CEP97: variants seen among roughly 807,000 people sequenced by gnomAD.
The protein encoded by CEP97 is centrosomal protein 97.
Under a neutral mutation model 73.1 loss-of-function variants are expected in CEP97, and 43 were observed. The ratio of observed to expected loss-of-function variants is 0.59; its 90% CI spans 0.46 to 0.76. CEP97 has a LOEUF of 0.76. Among genes scored for constraint, CEP97 ranks in the 30% least tolerant of loss-of-function variants. The probability of loss-of-function intolerance (pLI) is 0.00; values close to 1 mark genes in which losing one functional copy is unlikely to be tolerated. For missense variants in CEP97, 939 were observed against 1,014.0 expected, an observed-to-expected ratio of 0.93 and a Z score of 1.00; for synonymous variants, 337 against 370.0, an observed-to-expected ratio of 0.91 and a Z score of 1.02.
chr3:101,758,398 G>C lies in CEP97; in HGVS notation c.1792G>C (p.Val598Leu), dbSNP rs761580129. The change falls in exon 9 of 11, where the codon GTC becomes CTC. Residue 598 changes from valine to leucine, a missense_variant. Transcript: ENST00000341893. ...GCTACGCAGAATGCAAGAGCACATT[G>C]TCTGCTTAACTGATGAAATAAGGAG... Reference protein sequence around the residue: ...IRLRRMQEHIVCLTDEIRRLR... With the variant: ...IRLRRMQEHILCLTDEIRRLR... The C allele has an allele frequency of 1.9e-6, 3 of 1,614,124 alleles. No individual in the cohort carries two copies. The highest frequency in any genetic ancestry group is 2.5e-6 in the Non-Finnish European group (3 of 1,180,034).
chr3:101,732,733 T>C, intron 6 of CEP97, 79 bp downstream of exon 6: 1 of 1,255,598 alleles, frequency 8.0e-7, no homozygotes, highest in Non-Finnish European at 1.1e-6. Flanking sequence ...AGAGTATTTC[T>C]TAAAATGTGC....
rs577515141 is a variant in CEP97, at chr3:101,725,499, G to A, written c.43+780G>A. Among the ~76,000 whole-genome samples, 21 of 152,294 alleles carry A rather than the reference G, an allele frequency of 1.4e-4. No individual in the cohort carries two copies. The South Asian group carries it at 4.4e-3, about 32-fold the overall frequency. ...GGAGCTGTAAATTCTTGGGGGAAGA[G>A]TTGGTGGATGGTTCTCAGACCTCTC... On this transcript the variant is annotated intron_variant, in intron 1 of 10. Transcript: ENST00000341893.
At position 101,733,968 on chromosome 3, in the gene CEP97, A is replaced by G. The variant is rs1286342133; in HGVS notation, c.728+1314A>G. 2.0e-5 allele frequency among the ~76,000 whole-genome samples: 3 copies of G among 152,148 alleles called. No individual in the cohort carries two copies. In the East Asian group the frequency reaches 5.8e-4, roughly 29 times the overall value. ...CAGCCTCCCAAGTAGCTGGAATTATAGGCATGTGCCACCACACCCAGCTAA... is the reference window on the plus strand; with the variant it reads ...CAGCCTCCCAAGTAGCTGGAATTATGGGCATGTGCCACCACACCCAGCTAA... On this transcript the variant is annotated intron_variant, in intron 6 of 10. Transcript: ENST00000341893.
chr3:101,757,542 T>G, intron 8 of CEP97, 92 bp from the exon 9 acceptor site: 1 of 1,248,750 alleles, frequency 8.0e-7, no homozygotes, highest in Admixed American at 2.6e-5. Flanking sequence ...TTTTTGCATT[T>G]TACTCTATTT....
At chr3:101,747,548 C>T (rs1300058947) in intron 6 of CEP97, among the ~76,000 whole-genome samples, 6 of 149,498 alleles carry the variant, frequency 4.0e-5, no homozygotes, top group African/African-American at 7.4e-5. Context: ...CGTGAGCCAC[C>T]GCGCCTGGCC....
rs1417174177 is a variant in CEP97, at chr3:101,727,459, C to T, written c.263C>T (p.Pro88Leu). The T allele has an allele frequency of 1.9e-6, 3 of 1,613,844 alleles. No homozygotes were observed. The highest frequency in any genetic ancestry group is 3.3e-5 in the Admixed American group (2 of 59,976). ...ACGTTGCTTCGTGTATTAAATTTGC[C>T]TCATAATAGCATTGGCTGTGTGGAA... is the stretch of plus-strand genomic sequence containing the variant. ...KLTLLRVLNL[P>L]HNSIGCVEGL... is the part of the protein sequence containing the mutation. The change falls in exon 3 of 11, where the codon CCT becomes CTT. Residue 88 changes from proline (P) to leucine (L), a missense_variant. Pro to Leu is a moderately conservative substitution (Grantham distance 98). Coordinates refer to ENST00000341893, the MANE Select transcript of CEP97 (RefSeq NM_024548.4).
intron 6 of CEP97, among the ~76,000 whole-genome samples, chr3:101,751,249 C>G (rs1421001208): frequency 6.6e-6 from 1 of 152,160 alleles, no homozygotes; most frequent in Non-Finnish European, 1.5e-5. Flanking sequence ...ATCCTGAGTT[C>G]TAGTTTGATT....
At chr3:101,755,729 C>A (rs1938986371) in intron 7 of CEP97, 135 bp downstream of exon 7, 6 of 792,502 alleles carry the variant, frequency 7.6e-6, no homozygotes, top group Non-Finnish European at 1.2e-5. Context: ...GTCACTGCAA[C>A]AGTTCCTGCA....
At chr3:101,764,736 T>C in intron 10 of CEP97, 111 bp from the exon 11 acceptor site, 2 of 880,314 alleles carry the variant, frequency 2.3e-6, no homozygotes, top group Admixed American at 2.8e-5. Context: ...TGAGCCATGA[T>C]TGTGCTGCTG....
chr3:101,727,158 A>G (rs1221125141), intron 2 of CEP97, among the ~76,000 whole-genome samples: 1 of 152,198 alleles, frequency 6.6e-6, no homozygotes, highest in African/African-American at 2.4e-5. Flanking sequence ...CTTAGTAGTT[A>G]GAGGAGGTCT....
At chr3:101,727,173 G>A (rs1937919012) in intron 2 of CEP97, among the ~76,000 whole-genome samples, 1 of 152,126 alleles carries the variant, frequency 6.6e-6, no homozygotes, top group Non-Finnish European at 1.5e-5. Context: ...AGGTCTGATC[G>A]CTCAGCTTTA....
At chr3:101,729,841 C>A (rs911940109) in intron 4 of CEP97, among the ~76,000 whole-genome samples, 2 of 151,892 alleles carry the variant, frequency 1.3e-5, no homozygotes, top group Non-Finnish European at 2.9e-5. Context: ...TGGCTCACTG[C>A]AACCCAAGCA....
intron 6 of CEP97, among the ~76,000 whole-genome samples, chr3:101,747,480 C>T (rs1481756444): frequency 1.3e-5 from 2 of 151,560 alleles, no homozygotes; most frequent in East Asian, 1.9e-4. Context: ...AGGATGGTCT[C>T]GATCTCCTGA....
Position 101,758,201 on chromosome 3 carries a change from C to T in CEP97, c.1595C>T (p.Ala532Val). 6.2e-7 allele frequency: 1 copy of T among 1,614,070 alleles called. No individual in the cohort carries two copies. Among genetic ancestry groups the T allele is most frequent in the Non-Finnish European group, 8.5e-7 (1 of 1,180,026 alleles). The change falls in exon 9 of 11, where the codon GCA becomes GTA. Residue 532 changes from alanine (A) to valine (V), a missense_variant. By Grantham distance (64) the Ala-to-Val change is moderately conservative. Transcript: ENST00000341893. ...QPENKETISQ[A>V]TSEKLPMILT... ...GAAAATAAAGAAACCATATCTCAAGCAACTTCAGAGAAACTTCCCATGATT... is the reference window on the plus strand; with the variant it reads ...GAAAATAAAGAAACCATATCTCAAGTAACTTCAGAGAAACTTCCCATGATT...
In CEP97 at chr3:101,762,505, A is replaced by C. The variant is rs1450961640; in HGVS notation, c.1838A>C (p.Glu613Ala). ...TGTAGATTACGAAAAGAAAGAGATG[A>C]AGAACGTATTAAAAAATTTGTACAA... Reference protein sequence around the residue: ...EIRRLRKERDEERIKKFVQEE... With the variant: ...EIRRLRKERDAERIKKFVQEE... The change falls in exon 10 of 11, where the codon GAA becomes GCA. Residue 613 changes from glutamate to alanine, a missense_variant. Coordinates refer to ENST00000341893, the MANE Select transcript of CEP97 (RefSeq NM_024548.4). 1 of 1,609,960 alleles carries C rather than the reference A, an allele frequency of 6.2e-7. No individual in the cohort carries two copies. The highest frequency in any genetic ancestry group is 1.1e-5 in the South Asian group (1 of 90,470).
At position 101,758,424 on chromosome 3, in the gene CEP97, G is replaced by T; in HGVS notation, c.1817+1G>T. On this transcript the variant is annotated splice_donor_variant, in intron 9 of 10. Coordinates refer to ENST00000341893, the MANE Select transcript of CEP97 (RefSeq NM_024548.4). LOFTEE classifies it high-confidence loss of function. ...TCTGCTTAACTGATGAAATAAGGAG[G>T]TGGGTCAGAAGTCCTTTTGATGCAC... 6.2e-7 allele frequency: 1 copy of T among 1,613,800 alleles called. No homozygotes were observed. Among genetic ancestry groups the T allele is most frequent in the Non-Finnish European group, 8.5e-7 (1 of 1,180,026 alleles).
chr3:101,737,875 A>G (rs1191690563), intron 6 of CEP97, among the ~76,000 whole-genome samples: 1 of 152,182 alleles, frequency 6.6e-6, no homozygotes, highest in Non-Finnish European at 1.5e-5. Flanking sequence ...TATTAGCCCA[A>G]TTAAAAGACA....
intron 2 of CEP97, 29 bp downstream of exon 2, chr3:101,726,765 C>T (rs780966665): frequency 3.3e-6 from 5 of 1,498,296 alleles, no homozygotes; most frequent in African/African-American, 1.4e-5. Context: ...GAAATGGTTA[C>T]ATAGGATCAA....
chr3:101,763,675 C>G (rs1335145622), intron 10 of CEP97, among the ~76,000 whole-genome samples: 3 of 152,082 alleles, frequency 2.0e-5, no homozygotes, highest in Non-Finnish European at 2.9e-5. Flanking sequence ...TTTTGTTATA[C>G]TTTAGAAATT....
Sources: gnomAD v4.1 joint callset for allele counts (sites outside exome capture counted in the v4.1 genomes callset) on GRCh38, gnomAD v4.1.1 for gene constraint, MANE v1.5 for transcripts, NCBI Gene and HGNC (gene_info 2026-07-23, HGNC 2026-07-21) for gene names.